Variants in FSCN2 observed in about 807,000 individuals in gnomAD.
The protein encoded by FSCN2 is fascin actin-bundling protein 2, retinal, also known as fascin-2.
Under a neutral mutation model 37.8 loss-of-function variants are expected in FSCN2, and 46 were observed. The observed-to-expected ratio is 1.22, with a 90% CI of 0.96 to 1.56. The LOEUF (loss-of-function observed/expected upper bound fraction) is 1.56, where lower values mean the gene tolerates loss of function less well. Ranked by LOEUF, FSCN2 falls within the 40% of genes most tolerant of loss-of-function variation. The probability of loss-of-function intolerance (pLI) is 0.00; values close to 1 mark genes in which losing one functional copy is unlikely to be tolerated. For missense variants in FSCN2, 844 were observed against 730.4 expected, an observed-to-expected ratio of 1.16 and a Z score of -1.79; for synonymous variants, 351 against 309.4, an observed-to-expected ratio of 1.13 and a Z score of -1.41.
At chr17:81,520,391 A>T in the FSCN2 span, among the ~76,000 whole-genome samples, 1 of 152,102 alleles carries the variant, frequency 6.6e-6, no homozygotes, top group African/African-American at 2.4e-5. Flanking sequence ...CACCCTGGGG[A>T]GCCCCCTATG....
At chr17:81,535,995 C>T (rs1306462956) in intron 2 of FSCN2, 151 bp from the exon 3 acceptor site, 5 of 938,832 alleles carry the variant, frequency 5.3e-6, no homozygotes, top group Non-Finnish European at 7.9e-6. Context: ...AAGGAAAGCC[C>T]ACTGGGGCAG....
At chr17:81,531,510 ATGGTGATGG>A (rs2032599212) in intron 1 of FSCN2, among the ~76,000 whole-genome samples, 4 of 89,492 alleles carry the variant, frequency 4.5e-5, no homozygotes, top group South Asian at 4.3e-4. Context: ...GATGGTGGTG[ATGGTGATGG>A]TGGTGATGGC....
chr17:81,530,844 G>A (rs1339708106), intron 1 of FSCN2, among the ~76,000 whole-genome samples: 12 of 152,350 alleles, frequency 7.9e-5, no homozygotes, highest in Middle Eastern at 3.4e-3. Flanking sequence ...GTGGATGCAC[G>A]GCCATGGCCC....
At chr17:81,532,795 G>A (rs941300453) in intron 1 of FSCN2, among the ~76,000 whole-genome samples, 1 of 152,026 alleles carries the variant, frequency 6.6e-6, no homozygotes, top group Non-Finnish European at 1.5e-5. Flanking sequence ...CAGAGTGGTG[G>A]AGGGATGGGG....
chr17:81,531,528 GCGATGGTGGTGATGA>G (rs2032601336), intron 1 of FSCN2, among the ~76,000 whole-genome samples: 2 of 92,628 alleles, frequency 2.2e-5, no homozygotes, highest in South Asian at 3.6e-4. Context: ...GGTGGTGATG[GCGATGGTGGTGATGA>G]TGGTGATGGC....
chr17:81,519,262 C>T, the FSCN2 span, among the ~76,000 whole-genome samples: 3 of 152,172 alleles, frequency 2.0e-5, no homozygotes, highest in African/African-American at 4.8e-5. Flanking sequence ...CAGTCGACCT[C>T]TCCTGACCGC....
At chr17:81,524,992 G>A (rs1555669893), upstream of FSCN2, among the ~76,000 whole-genome samples, 1 of 151,976 alleles carries the variant, frequency 6.6e-6, no homozygotes, top group African/African-American at 2.4e-5. Flanking sequence ...ACCCGGCCCT[G>A]TGCTGGGGTC....
At chr17:81,531,726 G>GTGATGGTGATGATGGTGA (rs753786240) in intron 1 of FSCN2, among the ~76,000 whole-genome samples, 1 of 109,204 alleles carries the variant, frequency 9.2e-6, no homozygotes, top group Non-Finnish European at 1.8e-5. Flanking sequence ...GGTGGTGATG[G>GTGATGGTGATGATGGTGA]TGATGGTGAT....
chr17:81,529,605 C>T (rs782024133), intron 1 of FSCN2: 2 of 728,186 alleles, frequency 2.7e-6, no homozygotes, highest in Admixed American at 1.7e-5. Flanking sequence ...CCTGGCCTTT[C>T]TCAGCATAGC....
intron 1 of FSCN2, among the ~76,000 whole-genome samples, chr17:81,532,413 A>ATGATGG (rs1400619751): frequency 4.2e-4 from 56 of 132,666 alleles, no homozygotes; most frequent in African/African-American, 1.5e-3. Context: ...AGTGATGGTG[A>ATGATGG]TGATGGTGAT....
chr17:81,526,466 A>G (rs2143836956), upstream of FSCN2, among the ~76,000 whole-genome samples: 1 of 152,326 alleles, frequency 6.6e-6, no homozygotes, highest in East Asian at 1.9e-4. Flanking sequence ...CCCCATCTCT[A>G]CTAAAAATAC....
chr17:81,519,654 A>G, the FSCN2 span, among the ~76,000 whole-genome samples: 1 of 152,106 alleles, frequency 6.6e-6, no homozygotes, highest in Non-Finnish European at 1.5e-5. Context: ...TCACGGCCGC[A>G]CACCGGACGG....
intron 2 of FSCN2, among the ~76,000 whole-genome samples, chr17:81,535,663 CCATCCCCACCATCCCCAT>C (rs1372212177): frequency 1.9e-4 from 1 of 5,130 alleles, no homozygotes; most frequent in Non-Finnish European, 3.7e-4. Context: ...ATCCCCATCT[CCATCCCCACCATCCCCAT>C]CTCCATCCCC....
chr17:81,522,312 C>T, the FSCN2 span, among the ~76,000 whole-genome samples: 5 of 152,206 alleles, frequency 3.3e-5, no homozygotes, highest in African/African-American at 4.8e-5. Flanking sequence ...TTTTAATTCC[C>T]AAGGCCTCTC....
intron 1 of FSCN2, among the ~76,000 whole-genome samples, chr17:81,533,696 G>A (rs553839456): frequency 6.6e-6 from 1 of 152,338 alleles, no homozygotes; most frequent in East Asian, 1.9e-4. Context: ...CCTCTGGAGG[G>A]GGGTAAAACC....
chr17:81,519,397 G>A, the FSCN2 span, among the ~76,000 whole-genome samples: 44 of 152,318 alleles, frequency 2.9e-4, no homozygotes, highest in Admixed American at 2.9e-3. Context: ...AGCACTGTCT[G>A]GCAGCGGGGA....
chr17:81,524,094 C>T (rs1410961920), upstream of FSCN2, among the ~76,000 whole-genome samples: 2 of 152,218 alleles, frequency 1.3e-5, no homozygotes, highest in Non-Finnish European at 2.9e-5. Flanking sequence ...ACAGCCCGTC[C>T]ACCAGCACCT....
Position 81,536,618 on chromosome 17 carries a change from C to T in FSCN2, c.1106-4C>T. On this transcript the variant is annotated splice_polypyrimidine_tract_variant and splice_region_variant and intron_variant, in intron 3 of 4. Transcript: ENST00000417245. ...GGCAGCGCAGCAGACGCTCTCCCCGCCAGGCAAGGACGAAGAGTTCACCCT... is the reference window on the plus strand; with the variant it reads ...GGCAGCGCAGCAGACGCTCTCCCCGTCAGGCAAGGACGAAGAGTTCACCCT... The T allele has an allele frequency of 1.2e-6, 2 of 1,608,520 alleles. No individual in the cohort carries two copies. Among genetic ancestry groups the T allele is most frequent in the South Asian group, 1.1e-5 (1 of 91,022 alleles).
At position 81,532,233 on chromosome 17, in the gene FSCN2, GTGA is replaced by G. The variant is rs1401154147; in HGVS notation, c.827-2813_827-2811del. ...GATAGTGATGGTGATGATGATAATG[GTGA>G]TGATGGTGATGGTGATGATGATGAT... On this transcript the variant is annotated intron_variant, in intron 1 of 4. Transcript: ENST00000417245. Among the ~76,000 whole-genome samples, 59 of 129,786 alleles carry G rather than the reference GTGA, an allele frequency of 4.5e-4. 1 individual carries two copies. Among genetic ancestry groups the G allele is most frequent in the African/African-American group, 1.5e-3 (51 of 34,100 alleles). The allele number at this position is 129,786 out of a possible 152,430, so 85.1% of individuals were successfully genotyped here.
Sources: gnomAD v4.1 joint callset for allele counts (sites outside exome capture counted in the v4.1 genomes callset) on GRCh38, gnomAD v4.1.1 for gene constraint, MANE v1.5 for transcripts, NCBI Gene and HGNC (gene_info 2026-07-23, HGNC 2026-07-21) for gene names.